TG: variants seen among roughly 807,000 people sequenced by gnomAD.
TG encodes thyroid hormones.
TG carries 270 observed loss-of-function variants against 324.7 expected under a neutral mutation model. The ratio of observed to expected loss-of-function variants is 0.83; its 90% CI spans 0.75 to 0.92. The LOEUF is 0.92. Ranked by LOEUF, TG falls within the 40% of genes least tolerant of loss-of-function variation. The pLI, the probability that TG is intolerant of heterozygous loss-of-function variation, is 0.00. For missense variants in TG, 3,591 were observed against 3,456.4 expected, an observed-to-expected ratio of 1.04 and a Z score of -0.98; for synonymous variants, 1,401 against 1,327.0, an observed-to-expected ratio of 1.06 and a Z score of -1.21.
chr8:133,115,141 C>T (rs1340712937), intron 44 of TG, among the ~76,000 whole-genome samples: 2 of 152,036 alleles, frequency 1.3e-5, no homozygotes, highest in African/African-American at 4.8e-5. Flanking sequence ...AGGTTCTTGC[C>T]TTAATTTTGC....
rs1298797221 is a variant in TG at position 132,969,517 on chromosome 8, G to A, written c.5923G>A (p.Gly1975Arg). Residue 1975 changes from glycine (G) to arginine (R), a missense_variant, in exon 32 of 48, where the codon GGG becomes AGG. Transcript: ENST00000220616. ...YTRLPFQKLM[G>R]ISIRNKVPMS... ...TCGCCTGCCGTTCCAAAAACTGATGGGGATATCCATTAGAAATAAAGTGCC... is the reference window on the plus strand; with the variant it reads ...TCGCCTGCCGTTCCAAAAACTGATGAGGATATCCATTAGAAATAAAGTGCC... 3.7e-6 allele frequency: 6 copies of A among 1,613,880 alleles called. No individual in the cohort carries two copies. Among genetic ancestry groups the A allele is most frequent in the Non-Finnish European group, 5.1e-6 (6 of 1,179,898 alleles).
intron 22 of TG, among the ~76,000 whole-genome samples, chr8:132,926,382 CAA>C (rs1290982822): frequency 6.6e-6 from 1 of 152,234 alleles, no homozygotes; most frequent in East Asian, 1.9e-4. Flanking sequence ...TCTGCCTATG[CAA>C]TGCCCCTTAA....
intron 41 of TG, among the ~76,000 whole-genome samples, chr8:133,074,602 AT>A (rs1394428808): frequency 6.6e-6 from 1 of 152,166 alleles, no homozygotes; most frequent in Non-Finnish European, 1.5e-5. Context: ...TTTGGCGAGA[AT>A]GTCTCCTCTG....
intron 26 of TG, among the ~76,000 whole-genome samples, chr8:132,942,994 C>A (rs531870938): frequency 1.3e-5 from 2 of 152,150 alleles, no homozygotes; most frequent in Non-Finnish European, 2.9e-5. Flanking sequence ...GGTATCACCT[C>A]GAGGACTGTT....
chr8:133,078,946 G>C (rs4736626), intron 41 of TG, among the ~76,000 whole-genome samples: 38,949 of 151,992 alleles, frequency 0.26, 5,301 homozygotes, highest in African/African-American at 0.31. Context: ...AAAGATGTCG[G>C]TAGGGAGGGG....
rs577158392 is a variant in TG, at chr8:133,134,859, A to G, written c.*65A>G. On this transcript the variant is annotated 3_prime_UTR_variant, in exon 48 of 48. Transcript: ENST00000220616. ...CCACTATGGTCATCTTTTTCTCTAA[A>G]ATAGCCACTTACCTTCAATAAAGTA... 6 of 1,252,366 alleles carry G rather than the reference A, an allele frequency of 4.8e-6. No homozygotes were observed. The highest frequency in any genetic ancestry group is 7.0e-6 in the Non-Finnish European group (6 of 852,044). The allele number at this position is 1,252,366 out of a possible 1,614,324, so 77.6% of individuals were successfully genotyped here.
chr8:132,988,890 C>T, intron 35 of TG: 3 of 985,342 alleles, frequency 3.0e-6, no homozygotes, highest in Non-Finnish European at 3.6e-6. Context: ...AAATGTTTCT[C>T]TTAGAGGTGT....
At chr8:132,943,464 A>G (rs1824762145) in intron 26 of TG, among the ~76,000 whole-genome samples, 2 of 152,084 alleles carry the variant, frequency 1.3e-5, no homozygotes, top group South Asian at 4.1e-4. Context: ...TTTATAAATT[A>G]CCCGGCCTCA....
chr8:133,116,653 G>A lies in TG; in HGVS notation c.7799G>A (p.Trp2600Ter), dbSNP rs1236351790. The A allele has an allele frequency of 6.2e-7, 1 of 1,614,112 alleles. No homozygotes were observed. Among genetic ancestry groups the A allele is most frequent in the African/African-American group, 1.3e-5 (1 of 74,940 alleles). Reference protein sequence around the residue: ...ICPIIDMASAWAKRARGNVFM... With the variant: ...ICPIIDMASA ...CCTATAATCGACATGGCCAGTGCCT[G>A]GGCAAAGAGGGCCCGAGGAAACGTC... Residue 2600 changes from tryptophan (W) to a stop codon, truncating the protein, a stop_gained, in exon 45 of 48, where the codon TGG becomes TAG. Coordinates refer to ENST00000220616, the MANE Select transcript of TG (RefSeq NM_003235.5). LOFTEE classifies it high-confidence loss of function.
chr8:133,123,666 T>C (rs552051783), intron 45 of TG, among the ~76,000 whole-genome samples: 1 of 152,304 alleles, frequency 6.6e-6, no homozygotes, highest in Non-Finnish European at 1.5e-5. Context: ...CCCATCTGTG[T>C]CCTCTGCTGC....
intron 22 of TG, among the ~76,000 whole-genome samples, chr8:132,926,219 G>A (rs1821846623): frequency 6.6e-6 from 1 of 152,234 alleles, no homozygotes; most frequent in African/African-American, 2.4e-5. Context: ...CTACCTGAGA[G>A]GAATTTGCTC....
At chr8:133,063,494 G>T (rs1276751444) in intron 41 of TG, 1 of 149,236 alleles carries the variant, frequency 6.7e-6, no homozygotes, top group Non-Finnish European at 1.5e-5. Context: ...GGGATTCCTG[G>T]AATCCACTAC....
At position 132,881,963 on chromosome 8, in the gene TG, G is replaced by T. The variant is rs1814703426; in HGVS notation, c.739G>T (p.Glu247Ter). 1 of 1,609,746 alleles carries T rather than the reference G, an allele frequency of 6.2e-7. No homozygotes were observed. The highest frequency in any genetic ancestry group is 1.7e-5 in the Admixed American group (1 of 60,012). Residue 247 changes from glutamate (E) to a stop codon, truncating the protein, a stop_gained, in exon 6 of 48, where the codon GAG (glutamate) becomes TAG (stop). Transcript: ENST00000220616. LOFTEE classifies it high-confidence loss of function. ...CADSQGRELA[E>*]TGLELLLDEI... ...TGACAGCCAAGGGCGGGAACTGGCTGAGACAGGTGAGTGATACCCCTCAGG... is the reference window on the plus strand; with the variant it reads ...TGACAGCCAAGGGCGGGAACTGGCTTAGACAGGTGAGTGATACCCCTCAGG...
Position 133,038,455 on chromosome 8 carries a change from T to C in TG, c.7239+8432T>C, listed in dbSNP as rs1403419156. On this transcript the variant is annotated intron_variant, in intron 41 of 47. Coordinates refer to ENST00000220616, the MANE Select transcript of TG (RefSeq NM_003235.5). Reference sequence around the variant, plus strand: ...CCCAGGGATCAGGGAACCTCGCTTTTCGCAAGATCCCAGGCAATAGTTGGA... The same window carrying C: ...CCCAGGGATCAGGGAACCTCGCTTTCCGCAAGATCCCAGGCAATAGTTGGA... The C allele has an allele frequency of 3.1e-6, 4 of 1,297,296 alleles. No homozygotes were observed. In the East Asian group the frequency reaches 9.2e-5, roughly 30 times the overall value. 80.4% of individuals were successfully genotyped at this position (1,297,296 alleles called of 1,614,324 possible).
chr8:133,047,768 A>G (rs1839717840), intron 41 of TG: 1 of 925,312 alleles, frequency 1.1e-6, no homozygotes, highest in Admixed American at 1.7e-5. Context: ...GTAATGAGTC[A>G]GCCAGGAGCA....
At chr8:133,027,443 G>T (rs1246104002) in intron 40 of TG, among the ~76,000 whole-genome samples, 1 of 152,234 alleles carries the variant, frequency 6.6e-6, no homozygotes, top group African/African-American at 2.4e-5. Context: ...GGCAAAGAGT[G>T]TGCCTGTGGT....
intron 37 of TG, among the ~76,000 whole-genome samples, chr8:133,014,061 C>G (rs549669759): frequency 6.6e-6 from 1 of 152,178 alleles, no homozygotes; most frequent in Non-Finnish European, 1.5e-5. Flanking sequence ...CTTTCACAGG[C>G]CTTATCTCAT....
chr8:132,945,982 GT>G (rs997679434), intron 26 of TG, among the ~76,000 whole-genome samples: 6 of 151,642 alleles, frequency 4.0e-5, no homozygotes, highest in African/African-American at 1.5e-4. Context: ...TACATTTAAT[GT>G]TCTATGATTA....
In TG at chr8:133,118,847, G is replaced by A. The variant is rs1403256547; in HGVS notation, c.7862+2131G>A. 5.3e-5 allele frequency among the ~76,000 whole-genome samples: 8 copies of A among 152,212 alleles called. No individual in the cohort carries two copies. In the South Asian group the frequency reaches 1.7e-3, roughly 31 times the overall value. On this transcript the variant is annotated intron_variant, in intron 45 of 47. Coordinates refer to ENST00000220616, the MANE Select transcript of TG (RefSeq NM_003235.5). ...AAGGAAACAGAACCTGGGCAGTTGT[G>A]ATTTAGTTAAGGATCTTGGCGTGGG...
Sources: allele counts gnomAD v4.1 joint callset (sites outside exome capture counted in the v4.1 genomes callset), GRCh38; gene constraint gnomAD v4.1.1; transcripts MANE v1.5; gene names NCBI Gene and HGNC (gene_info 2026-07-23, HGNC 2026-07-21).